Variants in SUMF1 observed in about 807,000 individuals in gnomAD.
SUMF1 encodes formylglycine-generating enzyme.
A neutral mutation model predicts 47.6 loss-of-function variants in SUMF1; 48 were observed. That is an observed-to-expected ratio of 1.01 (90% confidence interval 0.80 to 1.28). The LOEUF (loss-of-function observed/expected upper bound fraction) is 1.28, where lower values mean the gene tolerates loss of function less well. Among genes scored for constraint, SUMF1 ranks in the 50% most tolerant of loss-of-function variants. The probability of loss-of-function intolerance (pLI) is 0.00; values close to 1 mark genes in which losing one functional copy is unlikely to be tolerated. For missense variants in SUMF1, 571 were observed against 485.4 expected (o/e 1.18, Z -1.66); for synonymous variants, 230 against 192.1 (o/e 1.20, Z -1.63).
chr3:4,382,941 G>A (rs1020159534), intron 7 of SUMF1, among the ~76,000 whole-genome samples: 1 of 152,110 alleles, frequency 6.6e-6, no homozygotes, highest in Non-Finnish European at 1.5e-5. Context: ...ACTAGGGGAG[G>A]GATAGCATTA....
chr3:4,179,998 C>T (rs184754928), intron 8 of SUMF1, among the ~76,000 whole-genome samples: 3 of 152,116 alleles, frequency 2.0e-5, no homozygotes, highest in African/African-American at 4.8e-5. Context: ...AATGAGATAC[C>T]ATCTCACACC....
chr3:4,180,946 A>G (rs1695083327), intron 8 of SUMF1, among the ~76,000 whole-genome samples: 1 of 152,170 alleles, frequency 6.6e-6, no homozygotes, highest in African/African-American at 2.4e-5. Context: ...ACAAGGAAAA[A>G]CATGCTTACA....
intron 8 of SUMF1, among the ~76,000 whole-genome samples, chr3:4,176,712 C>T (rs2125129467): frequency 6.6e-6 from 1 of 152,230 alleles, no homozygotes; most frequent in South Asian, 2.1e-4. Context: ...TGTAAATGGG[C>T]TAAATGCCCC....
In SUMF1 at chr3:4,452,869, C is replaced by G. The variant is rs752986889; in HGVS notation, c.444+7G>C. ...CAAGTTCTCCCTCCTTTCCCCAATCCCATTACCTCTGTCAAATAGCCAGTT... is the reference window on the plus strand; with the variant it reads ...CAAGTTCTCCCTCCTTTCCCCAATCGCATTACCTCTGTCAAATAGCCAGTT... On this transcript the variant is annotated splice_region_variant and intron_variant, in intron 2 of 8. Coordinates refer to ENST00000272902, the MANE Select transcript of SUMF1 (RefSeq NM_182760.4). The G allele has an allele frequency of 6.2e-7, 1 of 1,614,124 alleles. No homozygotes were observed. Among genetic ancestry groups the G allele is most frequent in the Non-Finnish European group, 8.5e-7 (1 of 1,180,032 alleles).
At chr3:4,416,682 C>G (rs1423468680) in intron 6 of SUMF1, among the ~76,000 whole-genome samples, 5 of 152,220 alleles carry the variant, frequency 3.3e-5, no homozygotes, top group Non-Finnish European at 4.4e-5. Flanking sequence ...GATAATAGTA[C>G]CTACCTTACA....
intron 9 of SUMF1, among the ~76,000 whole-genome samples, chr3:4,058,027 A>G (rs1217018492): frequency 6.6e-6 from 1 of 152,124 alleles, no homozygotes; most frequent in Non-Finnish European, 1.5e-5. Flanking sequence ...TATGCTGGAC[A>G]CTGTTGTAAG....
intron 8 of SUMF1, among the ~76,000 whole-genome samples, chr3:4,246,373 T>C (rs1048829485): frequency 1.3e-5 from 2 of 152,194 alleles, no homozygotes; most frequent in East Asian, 3.9e-4. Flanking sequence ...ACTGGAGCTG[T>C]TCCTATTCGG....
chr3:4,373,463 G>A (rs369756043), intron 8 of SUMF1, among the ~76,000 whole-genome samples: 26 of 149,860 alleles, frequency 1.7e-4, no homozygotes, highest in Non-Finnish European at 1.9e-4. Flanking sequence ...TACAGTAAAA[G>A]AAAAAAAAAA....
At chr3:4,232,404 A>G (rs1696320317) in intron 8 of SUMF1, among the ~76,000 whole-genome samples, 1 of 152,124 alleles carries the variant, frequency 6.6e-6, no homozygotes, top group Non-Finnish European at 1.5e-5. Flanking sequence ...CTGAGGAAGA[A>G]TATGACTGCC....
At chr3:4,212,934 G>C (rs1257320940) in intron 8 of SUMF1, among the ~76,000 whole-genome samples, 1 of 152,160 alleles carries the variant, frequency 6.6e-6, no homozygotes, top group East Asian at 1.9e-4. Flanking sequence ...ACCTGTGTTT[G>C]ATTGGTGTAC....
downstream of SUMF1, among the ~76,000 whole-genome samples, chr3:4,360,909 G>C (rs568176644): frequency 6.6e-6 from 1 of 152,130 alleles, no homozygotes; most frequent in African/African-American, 2.4e-5. Flanking sequence ...GTGAGGCAGT[G>C]CCTTTGACTT....
At chr3:4,455,489 G>T (rs1342897459) in intron 1 of SUMF1, among the ~76,000 whole-genome samples, 3 of 152,224 alleles carry the variant, frequency 2.0e-5, no homozygotes, top group African/African-American at 7.2e-5. Flanking sequence ...GCCGAGGCAG[G>T]TGGATCACCT....
intron 3 of SUMF1, among the ~76,000 whole-genome samples, chr3:4,422,074 C>T (rs1362562066): frequency 6.6e-6 from 1 of 152,148 alleles, no homozygotes; most frequent in East Asian, 1.9e-4. Context: ...GCATTAGGTC[C>T]TTAAATGACA....
chr3:4,418,028 C>G lies in SUMF1; in HGVS notation c.707G>C (p.Arg236Pro), dbSNP rs768700845. 1.2e-6 allele frequency: 2 copies of G among 1,613,872 alleles called. No individual in the cohort carries two copies. The highest frequency in any genetic ancestry group is 2.7e-5 in the African/African-American group (2 of 74,916). ...PTEAEWEYSCRGGLHNRLFPW... is the reference protein window; with the variant it reads ...PTEAEWEYSCPGGLHNRLFPW... Reference sequence around the variant, plus strand: ...TAAATACCTATTATGCAGGCCTCCTCGACAGCTGTATTCCCACTCAGCTTC... The same window carrying G: ...TAAATACCTATTATGCAGGCCTCCTGGACAGCTGTATTCCCACTCAGCTTC... Residue 236 changes from arginine (R) to proline (P), a missense_variant, in exon 5 of 9, where the codon CGA becomes CCA. By Grantham distance (103) the Arg-to-Pro change is moderately radical (BLOSUM62 -2). Transcript: ENST00000272902.
chr3:4,109,926 G>C (rs1290390474), intron 8 of SUMF1, among the ~76,000 whole-genome samples: 1 of 152,058 alleles, frequency 6.6e-6, no homozygotes, highest in African/African-American at 2.4e-5. Context: ...CTCTCAACTC[G>C]TCAAAGTCAT....
chr3:4,342,782 C>G (rs1699297536), intron 8 of SUMF1, among the ~76,000 whole-genome samples: 1 of 152,136 alleles, frequency 6.6e-6, no homozygotes, highest in African/African-American at 2.4e-5. Flanking sequence ...GAAGCAGCAC[C>G]CTACCAATAT....
chr3:4,325,990 T>G (rs377761311), intron 8 of SUMF1, among the ~76,000 whole-genome samples: 2 of 152,080 alleles, frequency 1.3e-5, no homozygotes, highest in Non-Finnish European at 2.9e-5. Flanking sequence ...CCTGGCTGAT[T>G]TCTGTATTTT....
chr3:4,292,370 T>TA, intron 8 of SUMF1, among the ~76,000 whole-genome samples: 1 of 152,322 alleles, frequency 6.6e-6, no homozygotes, highest in Admixed American at 6.5e-5. Context: ...ACAATACCCT[T>TA]ACCCAAGAAC....
At chr3:4,155,883 C>T (rs903283160) in intron 8 of SUMF1, among the ~76,000 whole-genome samples, 1 of 150,984 alleles carries the variant, frequency 6.6e-6, no homozygotes, top group Non-Finnish European at 1.5e-5. Context: ...CAAGACCTTC[C>T]CCTCCACAGA....
Sources: gnomAD v4.1 joint callset for allele counts (sites outside exome capture counted in the v4.1 genomes callset) on GRCh38, gnomAD v4.1.1 for gene constraint, MANE v1.5 for transcripts, NCBI Gene and HGNC (gene_info 2026-07-23, HGNC 2026-07-21) for gene names.